N4BP2L2: variants seen among roughly 807,000 people sequenced by gnomAD.
N4BP2L2 encodes the protein NEDD4 binding protein 2 like 2.
A neutral mutation model predicts 56.2 loss-of-function variants in N4BP2L2; 50 were observed. The ratio of observed to expected loss-of-function variants is 0.89; its 90% CI spans 0.71 to 1.13. N4BP2L2 has a LOEUF of 1.13. Ranked by LOEUF, N4BP2L2 falls within the 50% of genes most tolerant of loss-of-function variation. The probability of loss-of-function intolerance (pLI) is 0.00; values close to 1 mark genes in which losing one functional copy is unlikely to be tolerated. For missense variants in N4BP2L2, 689 were observed against 693.8 expected (o/e 0.99, Z 0.08); for synonymous variants, 203 against 223.6 (o/e 0.91, Z 0.82).
At chr13:32,434,332 G>A (rs569313324) in intron 9 of N4BP2L2, among the ~76,000 whole-genome samples, 13 of 148,862 alleles carry the variant, frequency 8.7e-5, no homozygotes, top group East Asian at 7.9e-4. Flanking sequence ...TCCTGAGCTC[G>A]GGCAATCTGC....
At chr13:32,501,673 G>C (rs1185203655) in intron 6 of N4BP2L2, among the ~76,000 whole-genome samples, 1 of 151,954 alleles carries the variant, frequency 6.6e-6, no homozygotes, top group African/African-American at 2.4e-5. Context: ...ACATTAGCCG[G>C]GAGTGGTGGT....
chr13:32,455,844 C>T (rs1037301970), intron 6 of N4BP2L2, among the ~76,000 whole-genome samples: 8 of 152,192 alleles, frequency 5.3e-5, no homozygotes, highest in African/African-American at 1.9e-4. Flanking sequence ...ACCAACACAG[C>T]CAGCACCCAC....
At chr13:32,437,181 C>T (rs1566006895) in intron 8 of N4BP2L2, among the ~76,000 whole-genome samples, 2 of 152,086 alleles carry the variant, frequency 1.3e-5, no homozygotes, top group Non-Finnish European at 2.9e-5. Context: ...CCACGCCTGG[C>T]CACAAATGTC....
chr13:32,439,201 T>C (rs1593378695), intron 7 of N4BP2L2, among the ~76,000 whole-genome samples: 2 of 152,348 alleles, frequency 1.3e-5, no homozygotes, highest in South Asian at 4.1e-4. Flanking sequence ...TCTACAATCC[T>C]TTTAGCACTA....
At chr13:32,448,487 A>G (rs2077370336) in intron 6 of N4BP2L2, among the ~76,000 whole-genome samples, 1 of 152,190 alleles carries the variant, frequency 6.6e-6, no homozygotes, top group African/African-American at 2.4e-5. Flanking sequence ...ACAAATGGTA[A>G]CACATCTATG....
exon 6 of N4BP2L2, chr13:32,517,233 G>A: frequency 1.0e-6 from 1 of 986,012 alleles, no homozygotes; most frequent in Non-Finnish European, 1.2e-6. Flanking sequence ...CCAGGTGACT[G>A]ATATACCTAC....
rs572464338 is a variant in N4BP2L2 at position 32,527,118 on chromosome 13, A to G, written c.1384+290T>C. On this transcript the variant is annotated intron_variant, in intron 3 of 5. Transcript: ENST00000267068. ...AATTTACTCATCAAGTATAAAATAAAGCCTCTTAAAATATCCCATGCTGCT... is the reference window on the plus strand; with the variant it reads ...AATTTACTCATCAAGTATAAAATAAGGCCTCTTAAAATATCCCATGCTGCT... 7 of 224,824 alleles carry G rather than the reference A, an allele frequency of 3.1e-5. No homozygotes were observed. The South Asian group carries it at 7.8e-4, about 25-fold the overall frequency. 13.9% of individuals were successfully genotyped at this position (224,824 alleles called of 1,614,324 possible). A position where few individuals can be genotyped will look rare whatever the true frequency, so the allele number is the denominator to read the frequency against.
In N4BP2L2 at chr13:32,537,077, A is replaced by G. The variant is rs1363861453; in HGVS notation, c.1-50T>C. ...TTACTAGCTAATATATTAAAAATCT[A>G]AATAAAATTTTCTTCAAAAACAAGA... is the stretch of plus-strand genomic sequence containing the variant. On this transcript the variant is annotated intron_variant, in intron 1 of 5. Coordinates refer to ENST00000267068, the Ensembl canonical transcript of N4BP2L2. 2.4e-6 allele frequency: 3 copies of G among 1,238,106 alleles called. No individual in the cohort carries two copies. In the South Asian group the frequency reaches 6.5e-5, roughly 27 times the overall value. 76.7% of individuals were successfully genotyped at this position (1,238,106 alleles called of 1,614,324 possible).
intron 6 of N4BP2L2, among the ~76,000 whole-genome samples, chr13:32,503,415 T>C (rs2090382122): frequency 6.6e-6 from 1 of 152,112 alleles, no homozygotes; most frequent in South Asian, 2.1e-4. Flanking sequence ...CATTCAGAAG[T>C]GTTAATCCCA....
At chr13:32,463,977 G>T (rs1484348790) in intron 6 of N4BP2L2, among the ~76,000 whole-genome samples, 1 of 143,422 alleles carries the variant, frequency 7.0e-6, no homozygotes, top group African/African-American at 2.7e-5. Flanking sequence ...AAAGGACACT[G>T]CATAGTAACT....
chr13:32,505,962 C>T (rs1478583927), downstream of N4BP2L2: 1 of 152,176 alleles, frequency 6.6e-6, no homozygotes, highest in Non-Finnish European at 1.5e-5. Flanking sequence ...AAAGCCAATT[C>T]CACATTTTTA....
chr13:32,482,159 C>A (rs1158607425), intron 6 of N4BP2L2, among the ~76,000 whole-genome samples: 1 of 152,146 alleles, frequency 6.6e-6, no homozygotes, highest in African/African-American at 2.4e-5. Flanking sequence ...CAATACCCTG[C>A]AGGATGCTAG....
chr13:32,443,307 A>T (rs1193581608), exon 7 of N4BP2L2: 1 of 1,613,886 alleles, frequency 6.2e-7, no homozygotes, highest in African/African-American at 1.3e-5. Context: ...TGTCAGGACC[A>T]GCCAACTTAC....
intron 6 of N4BP2L2, among the ~76,000 whole-genome samples, chr13:32,493,539 C>T (rs1312266503): frequency 1.3e-5 from 2 of 152,324 alleles, no homozygotes; most frequent in Admixed American, 6.5e-5. Flanking sequence ...ATCTGAAGAA[C>T]TCAGACTGCT....
chr13:32,455,779 G>A (rs1037565714), intron 6 of N4BP2L2, among the ~76,000 whole-genome samples: 3 of 152,048 alleles, frequency 2.0e-5, no homozygotes, highest in Admixed American at 6.6e-5. Context: ...CACCACTGGC[G>A]GGATCTCCGC....
exon 6 of N4BP2L2, chr13:32,517,181 T>C: frequency 1.0e-6 from 1 of 985,476 alleles, no homozygotes; most frequent in East Asian, 1.1e-4. Flanking sequence ...GATAACTATG[T>C]ATGCATTACA....
chr13:32,470,119 C>A (rs988995415), intron 6 of N4BP2L2, among the ~76,000 whole-genome samples: 8 of 152,122 alleles, frequency 5.3e-5, no homozygotes, highest in African/African-American at 1.9e-4. Flanking sequence ...GTGTATCTCT[C>A]CCCAGTGCCT....
At chr13:32,489,765 GA>G (rs34893590) in intron 6 of N4BP2L2, among the ~76,000 whole-genome samples, 52,269 of 137,668 alleles carry the variant, frequency 0.38, 9,088 homozygotes, top group East Asian at 0.48. Flanking sequence ...TTCCCCTCCT[GA>G]AAAAAAAAAA....
At chr13:32,495,105 A>G (rs2139423926) in intron 6 of N4BP2L2, among the ~76,000 whole-genome samples, 1 of 152,280 alleles carries the variant, frequency 6.6e-6, no homozygotes, top group East Asian at 1.9e-4. Context: ...CCAGAAAAAA[A>G]ATCAGAATAA....
Sources: gnomAD v4.1 joint callset for allele counts (sites outside exome capture counted in the v4.1 genomes callset) on GRCh38, gnomAD v4.1.1 for gene constraint, MANE v1.5 for transcripts, NCBI Gene and HGNC (gene_info 2026-07-23, HGNC 2026-07-21) for gene names.